DNM3: variants seen among roughly 807,000 people sequenced by gnomAD.
DNM3 encodes the protein dynamin-3.
A neutral mutation model predicts 101.6 loss-of-function variants in DNM3; 47 were observed. The observed-to-expected ratio is 0.46, with a 90% CI of 0.37 to 0.59. The LOEUF is 0.59. Ranked by LOEUF, DNM3 falls within the 20% of genes least tolerant of loss-of-function variation. The pLI is 0.00. For missense variants in DNM3, 849 were observed against 1,085.7 expected (o/e 0.78, Z 3.06); for synonymous variants, 385 against 387.9 (o/e 0.99, Z 0.09).
At chr1:172,197,001 G>A (rs1251382468) in intron 14 of DNM3, among the ~76,000 whole-genome samples, 3 of 151,996 alleles carry the variant, frequency 2.0e-5, no homozygotes, top group Non-Finnish European at 4.4e-5. Flanking sequence ...GTCCAGGATA[G>A]CATTGCCTAG....
intron 1 of DNM3, among the ~76,000 whole-genome samples, chr1:171,884,543 C>T (rs189749645): frequency 6.6e-5 from 10 of 152,312 alleles, no homozygotes; most frequent in Non-Finnish European, 1.3e-4. Context: ...AACTTAGTGG[C>T]TTAGAACAAT....
chr1:172,365,217 G>A (rs1245759179), intron 17 of DNM3, among the ~76,000 whole-genome samples: 1 of 151,656 alleles, frequency 6.6e-6, no homozygotes, highest in Non-Finnish European at 1.5e-5. Flanking sequence ...GTTTTCTAAG[G>A]GTTCTTATCT....
rs558285012 is a variant in DNM3 at position 172,249,902 on chromosome 1, C to A, written c.1660-3671C>A. On this transcript the variant is annotated intron_variant, in intron 14 of 20. Transcript: ENST00000627582. ...TTATCTTTCAGAATGTTAGAGCAAGCCAGGGAATAATTATAACAAATATCA... is the reference window on the plus strand; with the variant it reads ...TTATCTTTCAGAATGTTAGAGCAAGACAGGGAATAATTATAACAAATATCA... 2.0e-5 allele frequency among the ~76,000 whole-genome samples: 3 copies of A among 151,848 alleles called. No individual in the cohort carries two copies. The South Asian group carries it at 6.3e-4, about 32-fold the overall frequency.
intron 4 of DNM3, among the ~76,000 whole-genome samples, chr1:171,993,432 T>C (rs2045771896): frequency 1.3e-5 from 2 of 151,940 alleles, no homozygotes; most frequent in Admixed American, 1.3e-4. Flanking sequence ...TGGTCAAAAT[T>C]CAGCTGTCAA....
chr1:172,406,385 T>C (rs2070886220), intron 20 of DNM3, among the ~76,000 whole-genome samples: 2 of 151,992 alleles, frequency 1.3e-5, no homozygotes, highest in African/African-American at 4.8e-5. Context: ...ATTATGCAGA[T>C]TCAAGATTCA....
chr1:172,294,831 G>T (rs2064084505), intron 15 of DNM3, among the ~76,000 whole-genome samples: 1 of 150,772 alleles, frequency 6.6e-6, no homozygotes, highest in African/African-American at 2.4e-5. Context: ...AGGATGGTTT[G>T]AGCCTGAAAG....
chr1:172,412,858 G>A, downstream of DNM3: 1 of 687,374 alleles, frequency 1.5e-6, no homozygotes, highest in Non-Finnish European at 1.8e-6. Context: ...TTCCATTTCT[G>A]TCATTAATTT....
At chr1:172,189,269 G>T (rs1199991758) in intron 14 of DNM3, among the ~76,000 whole-genome samples, 1 of 151,916 alleles carries the variant, frequency 6.6e-6, no homozygotes, top group East Asian at 1.9e-4. Flanking sequence ...TAGCTTTATG[G>T]TAAATCTTGA....
At chr1:172,207,586 T>C (rs1394685035) in intron 14 of DNM3, among the ~76,000 whole-genome samples, 1 of 152,110 alleles carries the variant, frequency 6.6e-6, no homozygotes, top group Non-Finnish European at 1.5e-5. Flanking sequence ...GAGAAAGGCA[T>C]TGAATTTGGT....
intron 1 of DNM3, among the ~76,000 whole-genome samples, chr1:171,865,752 G>A (rs1407510077): frequency 2.0e-5 from 3 of 152,114 alleles, no homozygotes; most frequent in Non-Finnish European, 4.4e-5. Flanking sequence ...TCCTCTAGAG[G>A]TGAGTAAAAA....
chr1:172,126,764 A>G (rs1394926730), intron 13 of DNM3, among the ~76,000 whole-genome samples: 1 of 149,586 alleles, frequency 6.7e-6, no homozygotes, highest in Non-Finnish European at 1.5e-5. Flanking sequence ...TTATCTTCTC[A>G]TTTTCTACCT....
At chr1:171,860,908 T>A (rs2034108102) in intron 1 of DNM3, among the ~76,000 whole-genome samples, 2 of 151,974 alleles carry the variant, frequency 1.3e-5, no homozygotes, top group South Asian at 4.2e-4. Flanking sequence ...AAGTTGGGAG[T>A]TGAACATCTA....
intron 17 of DNM3, among the ~76,000 whole-genome samples, chr1:172,366,259 T>C (rs2068014950): frequency 6.6e-6 from 1 of 151,820 alleles, no homozygotes; most frequent in Non-Finnish European, 1.5e-5. Flanking sequence ...ATAAACATGC[T>C]AAAGTATTCC....
At chr1:171,919,586 T>A (rs2039995624) in intron 1 of DNM3, among the ~76,000 whole-genome samples, 2 of 152,180 alleles carry the variant, frequency 1.3e-5, no homozygotes, top group South Asian at 4.1e-4. Flanking sequence ...GATTCTCAAA[T>A]TAACCTGTTC....
intron 2 of DNM3, among the ~76,000 whole-genome samples, chr1:171,948,719 T>C (rs765495993): frequency 1.3e-5 from 2 of 152,168 alleles, no homozygotes; most frequent in African/African-American, 2.4e-5. Context: ...AATTCCTGAA[T>C]GGTAATCTGA....
intron 14 of DNM3, among the ~76,000 whole-genome samples, chr1:172,168,236 A>T (rs1262349156): frequency 1.5e-5 from 2 of 131,610 alleles, no homozygotes; most frequent in Admixed American, 7.3e-5. Flanking sequence ...CTAATCATTA[A>T]ATATGGTCTC....
intron 2 of DNM3, among the ~76,000 whole-genome samples, chr1:171,984,604 C>T (rs79498755): frequency 0.033 from 4,982 of 152,294 alleles, 260 homozygotes; most frequent in African/African-American, 0.11. Flanking sequence ...CAACCCCTTT[C>T]CCAGAGCATT....
At chr1:172,020,446 C>A (rs1001300514) in intron 4 of DNM3, among the ~76,000 whole-genome samples, 1 of 152,024 alleles carries the variant, frequency 6.6e-6, no homozygotes, top group Non-Finnish European at 1.5e-5. Flanking sequence ...ATGGACCCCG[C>A]GCGGTGGCTC....
chr1:172,095,459 A>G (rs1490135531), intron 13 of DNM3, among the ~76,000 whole-genome samples: 5 of 152,224 alleles, frequency 3.3e-5, no homozygotes, highest in African/African-American at 1.2e-4. Flanking sequence ...ATTTTAAAGG[A>G]TCTTCAGTAG....
Sources: gnomAD v4.1 joint callset for allele counts (sites outside exome capture counted in the v4.1 genomes callset) on GRCh38, gnomAD v4.1.1 for gene constraint, MANE v1.5 for transcripts, NCBI Gene and HGNC (gene_info 2026-07-23, HGNC 2026-07-21) for gene names.